KCNS3: variants seen among roughly 807,000 people sequenced by gnomAD.
KCNS3 encodes the protein delayed-rectifier potassium channel regulatory subunit KCNS3.
KCNS3 carries 13 observed loss-of-function variants against 31.0 expected under a neutral mutation model. That is an observed-to-expected ratio of 0.42 (90% CI 0.27 to 0.67). The LOEUF is 0.67. KCNS3 is among the 30% of genes least tolerant of loss of function. KCNS3 has a pLI of 0.25. For synonymous variants in KCNS3, 238 were observed against 241.5 expected (o/e 0.99, Z 0.13); for missense variants, 545 against 622.4 (o/e 0.88, Z 1.32).
chr2:17,918,286 T>C (rs1011745311), intron 2 of KCNS3, among the ~76,000 whole-genome samples: 30 of 152,248 alleles, frequency 2.0e-4, no homozygotes, highest in African/African-American at 6.5e-4. Flanking sequence ...CAGATGTACC[T>C]GGGCCAGAGG....
Position 17,931,453 on chromosome 2 carries a change from T to C in KCNS3, c.445T>C (p.Ser149Pro). The change falls in exon 3 of 3, where the codon TCG becomes CCG. Residue 149 changes from serine (S) to proline (P), a missense_variant. Ser to Pro is a moderately conservative substitution (Grantham distance 74). Transcript: ENST00000304101. This position sits in a 1 kb window ranked among gnomAD's most constrained non-coding sequence, Gnocchi z 5.4. ...GAGTACCGACTCCTCGTTTGAAGAG[T>C]CGTCTCTGTTTGAGAAAGAGCTGGA... is the stretch of plus-strand genomic sequence containing the variant. The part of the protein sequence containing the change: ...DVSTDSSFEE[S>P]SLFEKELEKF... 2.5e-6 allele frequency: 4 copies of C among 1,613,958 alleles called. No individual in the cohort carries two copies. The highest frequency in any genetic ancestry group is 2.5e-6 in the Non-Finnish European group (3 of 1,179,988).
At chr2:17,929,228 C>T (rs542963803) in intron 2 of KCNS3, among the ~76,000 whole-genome samples, 2 of 152,296 alleles carry the variant, frequency 1.3e-5, no homozygotes, top group South Asian at 2.1e-4. Flanking sequence ...TCTGTTCTCA[C>T]ACTGCTATAA....
In KCNS3 at chr2:17,879,433, G is replaced by A. The variant is rs910570684; in HGVS notation, c.-252+627G>A. ...GCTCTCGTGCAGCGCTGCGCCCTGG[G>A]TGGGGACGGCGTGAGGCTTGCAGCG... On this transcript the variant is annotated intron_variant, in intron 1 of 2. Transcript: ENST00000304101. The A allele has an allele frequency of 4.6e-5, 7 of 152,500 alleles. No individual in the cohort carries two copies. The East Asian group carries it at 1.4e-3, about 29-fold the overall frequency. The allele number at this position is 152,500 out of a possible 1,614,324, so 9.4% of individuals were successfully genotyped here.
intron 1 of KCNS3, among the ~76,000 whole-genome samples, chr2:17,881,245 A>G (rs943469241): frequency 1.3e-5 from 2 of 152,156 alleles, no homozygotes; most frequent in African/African-American, 2.4e-5. Flanking sequence ...TCTGCAGGGT[A>G]TGTTGAAGCA....
In KCNS3 at chr2:17,932,326, A is replaced by G; in HGVS notation, c.1318A>G (p.Ile440Val). Reference sequence around the variant, plus strand: ...GTGTCATGAGCTACCTTACTTTAACATTAGGGATATATATGCACAGCGGAT... The same window carrying G: ...GTGTCATGAGCTACCTTACTTTAACGTTAGGGATATATATGCACAGCGGAT... ...EKCHELPYFN[I>V]RDIYAQRMHT... The change falls in exon 3 of 3, where the codon ATT (isoleucine) becomes GTT (valine). Residue 440 changes from isoleucine to valine, a missense_variant. Coordinates refer to ENST00000304101, the MANE Select transcript of KCNS3 (RefSeq NM_002252.5). 6.2e-7 allele frequency: 1 copy of G among 1,614,076 alleles called. No individual in the cohort carries two copies. Among genetic ancestry groups the G allele is most frequent in the Non-Finnish European group, 8.5e-7 (1 of 1,179,990 alleles).
At chr2:17,896,051 CTT>C (rs1662017439) in intron 1 of KCNS3, among the ~76,000 whole-genome samples, 1 of 151,910 alleles carries the variant, frequency 6.6e-6, no homozygotes, top group Non-Finnish European at 1.5e-5. Context: ...TTGTTTATTT[CTT>C]TTTATTTTTT....
chr2:17,931,722 C>G lies in KCNS3; in HGVS notation c.714C>G (p.Ala238=), dbSNP rs114910715. 1 of 1,613,862 alleles carries G rather than the reference C, an allele frequency of 6.2e-7. No individual in the cohort carries two copies. Among genetic ancestry groups the G allele is most frequent in the African/African-American group, 1.3e-5 (1 of 74,906 alleles). The change falls in exon 3 of 3, where the codon GCC becomes GCG. Residue 238 remains alanine (A), a synonymous_variant. Transcript: ENST00000304101. The surrounding 1 kb of genome is among the most constrained non-coding windows in gnomAD (Gnocchi z 5.4). ...ACIAWFTGEL[A]VRLAAAPCQK... ...TTGCCTGGTTCACCGGGGAGCTTGC[C>G]GTCCGGCTGGCTGCCGCTCCTTGTC... is the stretch of plus-strand genomic sequence containing the variant.
intron 1 of KCNS3, among the ~76,000 whole-genome samples, chr2:17,880,376 T>C (rs1674617855): frequency 6.6e-6 from 1 of 152,190 alleles, no homozygotes; most frequent in Admixed American, 6.5e-5. Flanking sequence ...AGACAGCAAA[T>C]GGATGATATA....
chr2:17,886,873 AG>A (rs1302311374), intron 1 of KCNS3, among the ~76,000 whole-genome samples: 1 of 152,140 alleles, frequency 6.6e-6, no homozygotes, highest in African/African-American at 2.4e-5. Context: ...ATTCCTACAA[AG>A]TAGGCTCTTT....
chr2:17,907,771 A>C (rs1371924490), intron 1 of KCNS3, among the ~76,000 whole-genome samples: 3 of 152,176 alleles, frequency 2.0e-5, no homozygotes, highest in African/African-American at 7.2e-5. Flanking sequence ...TTTCCTTAAG[A>C]ATGTTGAATA....
In KCNS3 at chr2:17,931,570, G is replaced by A. The variant is rs142972265; in HGVS notation, c.562G>A (p.Ala188Thr). ...GTACTGCCTGTCCGCTAAGCTTATC[G>A]CTATCTCCTCCTTGAGCGTGGTGCT... Reference protein sequence around the residue: ...PAYCLSAKLIAISSLSVVLAS... With the variant: ...PAYCLSAKLITISSLSVVLAS... Residue 188 changes from alanine to threonine, a missense_variant, in exon 3 of 3, where the codon GCT becomes ACT. By Grantham distance (58) the Ala-to-Thr change is moderately conservative (BLOSUM62 0). Coordinates refer to ENST00000304101, the MANE Select transcript of KCNS3 (RefSeq NM_002252.5). This position sits in a 1 kb window ranked among gnomAD's most constrained non-coding sequence, Gnocchi z 5.4. 142 of 1,614,014 alleles carry A rather than the reference G, an allele frequency of 8.8e-5. No homozygotes were observed. Among genetic ancestry groups the A allele is most frequent in the Non-Finnish European group, 1.1e-4 (133 of 1,180,012 alleles).
At chr2:17,916,900 G>A (rs1045885736) in intron 1 of KCNS3, among the ~76,000 whole-genome samples, 3 of 150,972 alleles carry the variant, frequency 2.0e-5, no homozygotes, top group Admixed American at 2.0e-4. Context: ...TGGACCTGGT[G>A]TGGATTGAAA....
chr2:17,878,018 G>GC (rs1293860899), upstream of KCNS3: 3 of 152,158 alleles, frequency 2.0e-5, no homozygotes, highest in Non-Finnish European at 4.4e-5. Flanking sequence ...TCTGCTTGGT[G>GC]CAAATGTCCA....
At chr2:17,913,147 T>G (rs1662512371) in intron 1 of KCNS3, among the ~76,000 whole-genome samples, 1 of 141,684 alleles carries the variant, frequency 7.1e-6, no homozygotes, top group Admixed American at 7.2e-5. Context: ...AATTAAACAC[T>G]GGGTGACAGT....
chr2:17,923,407 G>A (rs1487705111), intron 2 of KCNS3, among the ~76,000 whole-genome samples: 1 of 151,976 alleles, frequency 6.6e-6, no homozygotes, highest in Non-Finnish European at 1.5e-5. Flanking sequence ...TCTATTTTGT[G>A]AGTTGTCTTC....
At chr2:17,886,788 C>A (rs1013635811) in intron 1 of KCNS3, among the ~76,000 whole-genome samples, 1 of 152,120 alleles carries the variant, frequency 6.6e-6, no homozygotes, top group Non-Finnish European at 1.5e-5. Flanking sequence ...ATCCACCCAC[C>A]CACCTACCCA....
chr2:17,913,247 G>A (rs1662513735), intron 1 of KCNS3, among the ~76,000 whole-genome samples: 1 of 152,198 alleles, frequency 6.6e-6, no homozygotes, highest in Non-Finnish European at 1.5e-5. Context: ...TTTATTAAAA[G>A]TAGGTCTGTC....
At chr2:17,914,892 C>A (rs1303405102) in intron 1 of KCNS3, among the ~76,000 whole-genome samples, 1 of 152,162 alleles carries the variant, frequency 6.6e-6, no homozygotes, top group African/African-American at 2.4e-5. Flanking sequence ...GGAGGGCAAC[C>A]TTACTCCTAT....
intron 1 of KCNS3, among the ~76,000 whole-genome samples, chr2:17,906,140 C>T (rs1442864629): frequency 1.3e-5 from 2 of 152,126 alleles, no homozygotes; most frequent in Non-Finnish European, 2.9e-5. Context: ...ATTTCAGAGC[C>T]TGTTATTGGT....
Sources: gnomAD v4.1 joint callset for allele counts (sites outside exome capture counted in the v4.1 genomes callset) on GRCh38, gnomAD v4.1.1 for gene constraint, Gnocchi (gnomAD v3.1) non-coding constraint, MANE v1.5 for transcripts, NCBI Gene and HGNC (gene_info 2026-07-23, HGNC 2026-07-21) for gene names.